Variants in IGSF11 observed in about 807,000 individuals in gnomAD.
IGSF11 encodes immunoglobulin superfamily member 11, also known as CXADR like 1.
IGSF11 carries 22 observed loss-of-function variants against 41.0 expected under a neutral mutation model. The ratio of observed to expected loss-of-function variants is 0.54; its 90% CI spans 0.38 to 0.77. The LOEUF is 0.77. Among genes scored for constraint, IGSF11 ranks in the 30% least tolerant of loss-of-function variants. IGSF11 has a pLI of 0.00. For synonymous variants in IGSF11, 219 were observed against 201.3 expected (o/e 1.09, Z -0.74); for missense variants, 444 against 530.8 (o/e 0.84, Z 1.61).
chr3:119,055,090 A>C (rs1036176270), intron 1 of IGSF11, among the ~76,000 whole-genome samples: 5 of 152,196 alleles, frequency 3.3e-5, no homozygotes, highest in Admixed American at 3.3e-4. Flanking sequence ...ACCTCCAGCA[A>C]AATCCAACAG....
At chr3:119,027,509 G>C (rs921068045) in intron 1 of IGSF11, among the ~76,000 whole-genome samples, 7 of 152,140 alleles carry the variant, frequency 4.6e-5, no homozygotes, top group Middle Eastern at 3.2e-3. Context: ...CCAAAAATGT[G>C]AAAGTGCCAC....
Position 118,932,217 on chromosome 3 carries a change from G to A in IGSF11, c.53-1942C>T, listed in dbSNP as rs1243494626. On this transcript the variant is annotated intron_variant, in intron 1 of 6. Transcript: ENST00000393775. ...ATGATGAAACAGTATGGAAATAACA[G>A]TAGATCAAAATAGGCCATGGAGACC... is the stretch of plus-strand genomic sequence containing the variant. Among the ~76,000 whole-genome samples the A allele has an allele frequency of 2.0e-5, 3 of 152,168 alleles. No individual in the cohort carries two copies. The East Asian group carries it at 5.8e-4, about 29-fold the overall frequency.
intron 1 of IGSF11, among the ~76,000 whole-genome samples, chr3:119,019,744 T>G (rs1316652257): frequency 6.6e-6 from 1 of 152,160 alleles, no homozygotes; most frequent in African/African-American, 2.4e-5. Context: ...GAGGGTATTC[T>G]TTCCATTGTT....
chr3:118,990,197 T>C lies in IGSF11; in HGVS notation c.52+44334A>G, dbSNP rs576790378. ...AAGCAAAAGAAGGATATATTTATGTTTTCATTGTTCTGACAGCAGTGTGGT... is the reference window on the plus strand; with the variant it reads ...AAGCAAAAGAAGGATATATTTATGTCTTCATTGTTCTGACAGCAGTGTGGT... On this transcript the variant is annotated intron_variant, in intron 1 of 6. Transcript: ENST00000393775. 2.0e-5 allele frequency among the ~76,000 whole-genome samples: 3 copies of C among 152,328 alleles called. No individual in the cohort carries two copies. In the East Asian group the frequency reaches 5.8e-4, roughly 29 times the overall value.
intron 1 of IGSF11, among the ~76,000 whole-genome samples, chr3:119,058,559 A>C (rs1181287754): frequency 6.6e-6 from 1 of 152,232 alleles, no homozygotes; most frequent in African/African-American, 2.4e-5. Context: ...TGTGGAAGTC[A>C]GTGTGGCGAT....
Position 119,034,674 on chromosome 3 carries a change from C to A in IGSF11, c.-92G>T. 7.0e-7 allele frequency: 1 copy of A among 1,436,098 alleles called. No homozygotes were observed. Among genetic ancestry groups the A allele is most frequent in the Non-Finnish European group, 9.2e-7 (1 of 1,085,676 alleles). The allele number at this position is 1,436,098 out of a possible 1,614,324, so 89.0% of individuals were successfully genotyped here. ...GTGAGTCTCCGCGCTCTTGGGGCAG[C>A]CTGGTCCTCCCACACCCAGCGCCGG... On this transcript the variant is annotated 5_prime_UTR_variant, in exon 1 of 7. Transcript: ENST00000393775.
intron 1 of IGSF11, among the ~76,000 whole-genome samples, chr3:119,044,829 A>C (rs1348553457): frequency 1.3e-5 from 2 of 152,238 alleles, no homozygotes; most frequent in East Asian, 3.8e-4. Flanking sequence ...AGGAGAGATA[A>C]AGTCTTTTTC....
At chr3:119,056,349 T>C (rs188261174) in intron 1 of IGSF11, among the ~76,000 whole-genome samples, 1,620 of 152,204 alleles carry the variant, frequency 0.011, 19 homozygotes, top group Middle Eastern at 0.02. Flanking sequence ...AACACCTCTA[T>C]GCAAATAAAC....
intron 6 of IGSF11, 94 bp from the exon 7 acceptor site, chr3:118,903,055 A>G: frequency 8.2e-7 from 1 of 1,224,020 alleles, no homozygotes; most frequent in Non-Finnish European, 1.1e-6. Flanking sequence ...CAGGGCTTAT[A>G]CATCCAAAAA....
At chr3:119,103,037 G>A (rs1186884098) in intron 1 of IGSF11, among the ~76,000 whole-genome samples, 2 of 132,900 alleles carry the variant, frequency 1.5e-5, no homozygotes, top group East Asian at 2.2e-4. Context: ...TCGCTCTGTC[G>A]CCCAGGCTGG....
At chr3:119,088,449 C>T (rs1272549054) in intron 1 of IGSF11, among the ~76,000 whole-genome samples, 1 of 151,504 alleles carries the variant, frequency 6.6e-6, no homozygotes, top group Non-Finnish European at 1.5e-5. Flanking sequence ...AGTTTTATAG[C>T]CCTAAACACC....
At chr3:118,943,342 G>A (rs1002989009) in intron 1 of IGSF11, among the ~76,000 whole-genome samples, 3 of 152,152 alleles carry the variant, frequency 2.0e-5, no homozygotes, top group Admixed American at 2.0e-4. Context: ...GAAATGATGA[G>A]TAAAGTTTAA....
At chr3:119,073,807 G>A (rs1055278222) in intron 1 of IGSF11, among the ~76,000 whole-genome samples, 1 of 152,202 alleles carries the variant, frequency 6.6e-6, no homozygotes, top group African/African-American at 2.4e-5. Context: ...ACAAGCAGAG[G>A]GAGCTGGCTC....
chr3:119,012,241 A>C (rs1938216386), intron 1 of IGSF11, among the ~76,000 whole-genome samples: 1 of 152,316 alleles, frequency 6.6e-6, no homozygotes, highest in East Asian at 1.9e-4. Flanking sequence ...AAACTGGCAA[A>C]CTATCAGTGA....
Position 118,902,512 on chromosome 3 carries a change from C to T in IGSF11, c.*8G>A. ...TATTCATTTCTGAACACAACATTTCCTCATGTCCTATACCAAGGACCCGGC... is the reference window on the plus strand; with the variant it reads ...TATTCATTTCTGAACACAACATTTCTTCATGTCCTATACCAAGGACCCGGC... On this transcript the variant is annotated 3_prime_UTR_variant, in exon 7 of 7. Coordinates refer to ENST00000393775, the MANE Select transcript of IGSF11 (RefSeq NM_001015887.3). The T allele has an allele frequency of 7.4e-7, 1 of 1,348,600 alleles. No individual in the cohort carries two copies. Among genetic ancestry groups the T allele is most frequent in the Admixed American group, 1.9e-5 (1 of 51,520 alleles). 83.5% of individuals were successfully genotyped at this position (1,348,600 alleles called of 1,614,324 possible). A position where few individuals can be genotyped will look rare whatever the true frequency, so the allele number is the denominator to read the frequency against.
At chr3:119,108,015 G>A (rs1435087352), upstream of IGSF11, among the ~76,000 whole-genome samples, 5 of 151,284 alleles carry the variant, frequency 3.3e-5, no homozygotes, top group Admixed American at 6.6e-5. Flanking sequence ...TTGAAGTCAG[G>A]TAGTGTGATG....
chr3:119,112,045 T>A (rs150671762), intron 1 of IGSF11, among the ~76,000 whole-genome samples: 29,903 of 152,190 alleles, frequency 0.2, 3,616 homozygotes, highest in Middle Eastern at 0.32. Context: ...GTCAGGGGTC[T>A]GGGACCCACT....
At chr3:119,096,045 GT>G (rs1318300627) in intron 1 of IGSF11, among the ~76,000 whole-genome samples, 1 of 144,906 alleles carries the variant, frequency 6.9e-6, no homozygotes, top group Non-Finnish European at 1.6e-5. Context: ...GATGAAAACT[GT>G]TTTATTTATT....
intron 1 of IGSF11, chr3:118,945,115 A>G (rs1015226961): frequency 6.6e-6 from 1 of 152,272 alleles, no homozygotes; most frequent in Admixed American, 6.5e-5. Context: ...GAAGAAAAAT[A>G]CATTAAATGC....
Sources: allele counts gnomAD v4.1 joint callset (sites outside exome capture counted in the v4.1 genomes callset), GRCh38; gene constraint gnomAD v4.1.1; transcripts MANE v1.5; gene names NCBI Gene and HGNC (gene_info 2026-07-23, HGNC 2026-07-21).